The following TRIM5 variants were observed in gnomAD, a reference collection of about 807,000 sequenced individuals.
TRIM5 encodes tripartite motif containing 5, also known as tripartite motif-containing protein 5.
In TRIM5, 31 loss-of-function variants were observed where a neutral mutation model predicts 35.6. That is an observed-to-expected ratio of 0.87 (90% CI 0.65 to 1.18). TRIM5 has a LOEUF of 1.18. Ranked by LOEUF, TRIM5 falls within the 50% of genes most tolerant of loss-of-function variation. The pLI, the probability that TRIM5 is intolerant of heterozygous loss-of-function variation, is 0.00. For synonymous variants in TRIM5, 243 were observed against 215.6 expected, an observed-to-expected ratio of 1.13 and a Z score of -1.11; for missense variants, 609 against 591.6, an observed-to-expected ratio of 1.03 and a Z score of -0.31.
At chr11:5,666,374 G>T in intron 5 of TRIM5, 2 of 283,828 alleles carry the variant, frequency 7.0e-6, no homozygotes, top group East Asian at 6.6e-5. Flanking sequence ...AAACTCATAG[G>T]ACATAAAAAA....
intron 5 of TRIM5, among the ~76,000 whole-genome samples, chr11:5,667,309 C>T (rs941461769): frequency 1.8e-4 from 28 of 152,096 alleles, no homozygotes; most frequent in African/African-American, 6.5e-4. Flanking sequence ...TGGATTCAAG[C>T]AATTCTCCTG....
the TRIM5 span, chr11:5,642,371 A>G: frequency 6.3e-7 from 1 of 1,583,120 alleles, no homozygotes; most frequent in Non-Finnish European, 8.6e-7. Context: ...ACAGGATGAG[A>G]GATGTGGGGG....
intron 4 of TRIM5, among the ~76,000 whole-genome samples, chr11:5,669,472 T>C (rs558549342): frequency 1.3e-5 from 2 of 152,352 alleles, no homozygotes; most frequent in South Asian, 4.1e-4. Flanking sequence ...TGCAATGTCT[T>C]TGGTCTCCTT....
chr11:5,634,528 C>CATAT, the TRIM5 span: 3 of 537,082 alleles, frequency 5.6e-6, no homozygotes, highest in African/African-American at 4.9e-5. Flanking sequence ...CACACACACA[C>CATAT]ACATATATAT....
chr11:5,646,095 T>C, the TRIM5 span, among the ~76,000 whole-genome samples: 1 of 143,664 alleles, frequency 7.0e-6, no homozygotes, highest in Non-Finnish European at 1.5e-5. Context: ...AATATACATG[T>C]ATATTATATA....
intron 4 of TRIM5, among the ~76,000 whole-genome samples, chr11:5,677,199 A>T (rs946728017): frequency 3.3e-5 from 5 of 152,068 alleles, no homozygotes; most frequent in Non-Finnish European, 1.5e-5. Flanking sequence ...TTCACAACCC[A>T]CTCATCTGAC....
At position 5,664,091 on chromosome 11, in the gene TRIM5, C is replaced by T; in HGVS notation, c.*718G>A. The T allele has an allele frequency of 7.3e-6, 2 of 274,000 alleles. No individual in the cohort carries two copies. Among genetic ancestry groups the T allele is most frequent in the Non-Finnish European group, 1.1e-5 (2 of 180,492 alleles). 17.0% of individuals were successfully genotyped at this position (274,000 alleles called of 1,614,324 possible). A position where few individuals can be genotyped will look rare whatever the true frequency, so the allele number is the denominator to read the frequency against. On this transcript the variant is annotated 3_prime_UTR_variant, in exon 8 of 8. Coordinates refer to ENST00000380034, the MANE Select transcript of TRIM5 (RefSeq NM_033034.3). ...TGGTGGGCACCTGTAATCCCAGCTACTTGGGAGGCTGAGGCAGGAGAATTG... is the reference window on the plus strand; with the variant it reads ...TGGTGGGCACCTGTAATCCCAGCTATTTGGGAGGCTGAGGCAGGAGAATTG...
the TRIM5 span, among the ~76,000 whole-genome samples, chr11:5,635,615 T>C: frequency 6.6e-6 from 1 of 152,288 alleles, no homozygotes; most frequent in African/African-American, 2.4e-5. Context: ...GGGAGAAAGA[T>C]GGACAAATAT....
chr11:5,634,012 T>C, the TRIM5 span: 4 of 1,125,864 alleles, frequency 3.6e-6, no homozygotes, highest in South Asian at 6.2e-5. Flanking sequence ...AGCCATTTGA[T>C]TAGTTCTCTT....
At chr11:5,603,385 C>T in the TRIM5 span, 5 of 1,613,862 alleles carry the variant, frequency 3.1e-6, no homozygotes, top group South Asian at 3.3e-5. Context: ...CCTAACAGAA[C>T]CCCTGAGCAT....
At chr11:5,651,423 G>A in the TRIM5 span, among the ~76,000 whole-genome samples, 29 of 152,098 alleles carry the variant, frequency 1.9e-4, no homozygotes, top group African/African-American at 2.4e-5. Context: ...AGTAGGCTCC[G>A]ATGTCTGTTG....
the TRIM5 span, among the ~76,000 whole-genome samples, chr11:5,621,199 A>C: frequency 6.6e-6 from 1 of 152,122 alleles, no homozygotes; most frequent in South Asian, 2.1e-4. Context: ...AGGCTGCTGC[A>C]CTCTCTTAAA....
chr11:5,634,286 C>A, the TRIM5 span, among the ~76,000 whole-genome samples: 1 of 151,714 alleles, frequency 6.6e-6, no homozygotes, highest in African/African-American at 2.4e-5. Flanking sequence ...AGAAGCTAAG[C>A]CTTATGTTTT....
chr11:5,631,173 C>G, the TRIM5 span, among the ~76,000 whole-genome samples: 1 of 152,228 alleles, frequency 6.6e-6, no homozygotes, highest in Admixed American at 6.6e-5. Flanking sequence ...TTCCTATCAA[C>G]CTCTGTAACA....
chr11:5,645,050 A>G, the TRIM5 span, among the ~76,000 whole-genome samples: 1 of 152,220 alleles, frequency 6.6e-6, no homozygotes, highest in African/African-American at 2.4e-5. Context: ...TTGACAAAAA[A>G]AATTTAAGTT....
At chr11:5,639,310 T>C in the TRIM5 span, among the ~76,000 whole-genome samples, 3 of 152,212 alleles carry the variant, frequency 2.0e-5, no homozygotes, top group South Asian at 2.1e-4. Context: ...CACAGTATTA[T>C]AGAAACATGA....
At chr11:5,634,762 A>T in the TRIM5 span, 15 of 1,614,102 alleles carry the variant, frequency 9.3e-6, no homozygotes, top group Admixed American at 2.5e-4. Context: ...ATAAGTTTGC[A>T]GAGGCTGAGG....
At chr11:5,604,519 T>C in the TRIM5 span, 3 of 1,607,550 alleles carry the variant, frequency 1.9e-6, no homozygotes, top group Non-Finnish European at 2.5e-6. Flanking sequence ...CTTGACCTGA[T>C]TTGTTTTCTT....
intron 4 of TRIM5, among the ~76,000 whole-genome samples, chr11:5,670,677 T>C (rs901921624): frequency 6.6e-6 from 1 of 152,186 alleles, no homozygotes; most frequent in Non-Finnish European, 1.5e-5. Context: ...GCAATCTCAC[T>C]TACCCAAGCA....
Sources: gnomAD v4.1 joint callset for allele counts (sites outside exome capture counted in the v4.1 genomes callset) on GRCh38, gnomAD v4.1.1 for gene constraint, MANE v1.5 for transcripts, NCBI Gene and HGNC (gene_info 2026-07-23, HGNC 2026-07-21) for gene names.